The following LTBP1 variants were observed in gnomAD, a reference collection of about 807,000 sequenced individuals.
LTBP1 encodes latent transforming growth factor beta binding protein 1.
Under a neutral mutation model 207.6 loss-of-function variants are expected in LTBP1, and 129 were observed. The ratio of observed to expected loss-of-function variants is 0.62; its 90% CI spans 0.54 to 0.72. The LOEUF is 0.72. Among genes scored for constraint, LTBP1 ranks in the 30% least tolerant of loss-of-function variants. The pLI is 0.00. For missense variants in LTBP1, 2,281 were observed against 2,217.2 expected (o/e 1.03, Z -0.58); for synonymous variants, 963 against 833.7 (o/e 1.16, Z -2.67).
intron 15 of LTBP1, among the ~76,000 whole-genome samples, chr2:33,271,394 A>C (rs1477103992): frequency 6.6e-6 from 1 of 152,102 alleles, no homozygotes. Context: ...CCGGGAAAAA[A>C]CCCAAGAAAT....
chr2:33,212,936 T>C lies in LTBP1; in HGVS notation c.1702-4616T>C, dbSNP rs529934121. ...TACTTCTAGTCCCAAGCGTTTTAGATCAGAGATCCTCAACCTGGACCTTCA... is the reference window on the plus strand; with the variant it reads ...TACTTCTAGTCCCAAGCGTTTTAGACCAGAGATCCTCAACCTGGACCTTCA... On this transcript the variant is annotated intron_variant, in intron 7 of 33. Coordinates refer to ENST00000404816, the MANE Select transcript of LTBP1 (RefSeq NM_206943.4). Among the ~76,000 whole-genome samples, 24 of 152,336 alleles carry C rather than the reference T, an allele frequency of 1.6e-4. No individual in the cohort carries two copies. In the East Asian group the frequency reaches 3.5e-3, roughly 22 times the overall value.
intron 2 of LTBP1, among the ~76,000 whole-genome samples, chr2:32,969,458 T>C (rs1680532251): frequency 6.6e-6 from 1 of 152,102 alleles, no homozygotes. Context: ...GCCCAGTTTT[T>C]GTTCTCTTCT....
intron 4 of LTBP1, 39 bp downstream of exon 4, chr2:33,110,790 T>A: frequency 6.3e-7 from 1 of 1,588,280 alleles, no homozygotes; most frequent in Non-Finnish European, 8.6e-7. Flanking sequence ...CAAGTTATGG[T>A]ATCAGAGATT....
Position 33,010,600 on chromosome 2 carries a change from T to C in LTBP1, c.566-10309T>C, listed in dbSNP as rs188529405. Among the ~76,000 whole-genome samples the C allele has an allele frequency of 1.5e-3, 235 of 152,274 alleles. 1 individual carries two copies. Among genetic ancestry groups the C allele is most frequent in the African/African-American group, 4.1e-3 (169 of 41,556 alleles). On this transcript the variant is annotated intron_variant, in intron 2 of 33. Transcript: ENST00000404816. ...AATATGCTGACTTGATCATCACACATTCTCTGCAGGTAACAAGATATCACA... is the reference window on the plus strand; with the variant it reads ...AATATGCTGACTTGATCATCACACACTCTCTGCAGGTAACAAGATATCACA...
At chr2:33,352,424 C>A (rs1392004991) in intron 26 of LTBP1, among the ~76,000 whole-genome samples, 1 of 152,192 alleles carries the variant, frequency 6.6e-6, no homozygotes, top group East Asian at 1.9e-4. Flanking sequence ...GCCACTGCAC[C>A]CAACTCTGTC....
intron 3 of LTBP1, among the ~76,000 whole-genome samples, chr2:33,055,439 G>T (rs1277066160): frequency 2.0e-5 from 3 of 152,144 alleles, no homozygotes; most frequent in Non-Finnish European, 2.9e-5. Flanking sequence ...CAGGTCAACA[G>T]ATGTTTACAA....
chr2:33,353,095 C>A (rs1250113380), intron 26 of LTBP1, among the ~76,000 whole-genome samples: 1 of 149,324 alleles, frequency 6.7e-6, no homozygotes, highest in Non-Finnish European at 1.5e-5. Flanking sequence ...TCTTGTGCCT[C>A]TGCCTCCCTA....
At chr2:32,994,647 A>G (rs377436470) in intron 2 of LTBP1, among the ~76,000 whole-genome samples, 82 of 152,010 alleles carry the variant, frequency 5.4e-4, no homozygotes, top group Middle Eastern at 3.4e-3. Context: ...TTGTATTTTT[A>G]ATAGAGACGG....
intron 2 of LTBP1, among the ~76,000 whole-genome samples, chr2:33,004,795 A>G (rs1271069829): frequency 7.0e-6 from 1 of 142,194 alleles, no homozygotes; most frequent in Non-Finnish European, 1.5e-5. Flanking sequence ...GAATATATAT[A>G]TATATATATA....
intron 7 of LTBP1, among the ~76,000 whole-genome samples, chr2:33,213,486 A>G (rs893787078): frequency 1.3e-4 from 20 of 152,148 alleles, no homozygotes; most frequent in Non-Finnish European, 2.8e-4. Context: ...ATAGACAAGG[A>G]TTTTCTGAAT....
chr2:33,361,017 C>G (rs1001238794), intron 27 of LTBP1, among the ~76,000 whole-genome samples: 1 of 152,220 alleles, frequency 6.6e-6, no homozygotes, highest in African/African-American at 2.4e-5. Flanking sequence ...AAAGTTAATT[C>G]AGTTTTATTC....
At chr2:33,289,945 C>T (rs150249688) in intron 19 of LTBP1, among the ~76,000 whole-genome samples, 21 of 152,208 alleles carry the variant, frequency 1.4e-4, no homozygotes, top group East Asian at 3.9e-4. Context: ...GTTGCTGTAA[C>T]GGAACACCTT....
intron 9 of LTBP1, among the ~76,000 whole-genome samples, chr2:33,223,243 A>G (rs1268830122): frequency 6.6e-6 from 1 of 152,210 alleles, no homozygotes; most frequent in Non-Finnish European, 1.5e-5. Context: ...TTGATTTTTT[A>G]TCTGAGAATT....
At chr2:33,389,103 C>T in intron 31 of LTBP1, 81 bp from the exon 32 acceptor site, 1 of 1,587,808 alleles carries the variant, frequency 6.3e-7, no homozygotes, top group Non-Finnish European at 8.6e-7. Context: ...CTGGCAGATT[C>T]CCGTTGCTCT....
chr2:33,064,377 G>C (rs560183269), intron 3 of LTBP1, among the ~76,000 whole-genome samples: 1 of 152,152 alleles, frequency 6.6e-6, no homozygotes, highest in African/African-American at 2.4e-5. Flanking sequence ...GCCTCCCACA[G>C]TTTCATGGAT....
chr2:33,349,091 G>A (rs1481121243), intron 26 of LTBP1, among the ~76,000 whole-genome samples: 1 of 152,090 alleles, frequency 6.6e-6, no homozygotes, highest in Admixed American at 6.5e-5. Flanking sequence ...ATTTGAAAAA[G>A]GTGATTAAAA....
At position 33,315,196 on chromosome 2, in the gene LTBP1, A is replaced by G; in HGVS notation, c.3657A>G (p.Leu1219=). ...PGLCGPQGEC[L]NTEGSFHCVC... is the part of the protein sequence containing the mutation. ...TCTGTGGTCCGCAAGGGGAGTGCCT[A>G]AACACAGAGGGTTCTTTCCATTGTG... Residue 1219 remains leucine (L), a synonymous_variant, in exon 24 of 34, where the codon CTA becomes CTG. Transcript: ENST00000404816. 2.5e-6 allele frequency: 4 copies of G among 1,613,530 alleles called. No individual in the cohort carries two copies. The highest frequency in any genetic ancestry group is 3.4e-6 in the Non-Finnish European group (4 of 1,179,776).
chr2:33,140,700 T>C (rs1006242816), intron 5 of LTBP1, among the ~76,000 whole-genome samples: 6 of 150,118 alleles, frequency 4.0e-5, no homozygotes, highest in Non-Finnish European at 5.9e-5. Context: ...AGAGTTTTGC[T>C]CTTGTTGCCC....
chr2:33,395,610 A>G (rs1323329624), intron 32 of LTBP1, among the ~76,000 whole-genome samples: 1 of 152,034 alleles, frequency 6.6e-6, no homozygotes, highest in Non-Finnish European at 1.5e-5. Flanking sequence ...AGAAACTCTG[A>G]CCAAATTTGT....
Sources: gnomAD v4.1 joint callset for allele counts (sites outside exome capture counted in the v4.1 genomes callset) on GRCh38, gnomAD v4.1.1 for gene constraint, MANE v1.5 for transcripts, NCBI Gene and HGNC (gene_info 2026-07-23, HGNC 2026-07-21) for gene names.